SPIDR: variants seen among roughly 807,000 people sequenced by gnomAD.
SPIDR encodes scaffold protein involved in DNA repair.
Under a neutral mutation model 104.6 loss-of-function variants are expected in SPIDR, and 93 were observed. That is an observed-to-expected ratio of 0.89 (90% CI 0.75 to 1.06). The LOEUF (loss-of-function observed/expected upper bound fraction) is 1.06. Among genes scored for constraint, SPIDR ranks in the 50% least tolerant of loss-of-function variants. The pLI is 0.00. For missense variants in SPIDR, 1,154 were observed against 1,111.2 expected (o/e 1.04, Z -0.55); for synonymous variants, 431 against 416.9 (o/e 1.03, Z -0.41).
intron 10 of SPIDR, among the ~76,000 whole-genome samples, chr8:47,643,493 C>T (rs2069583583): frequency 6.7e-6 from 1 of 150,214 alleles, no homozygotes; most frequent in Non-Finnish European, 1.5e-5. Context: ...GGACTTAAGG[C>T]ACATATCACC....
chr8:47,487,329 G>A (rs533594060), intron 8 of SPIDR, among the ~76,000 whole-genome samples: 49 of 152,224 alleles, frequency 3.2e-4, no homozygotes, highest in African/African-American at 1.1e-3. Flanking sequence ...TATGCACCCA[G>A]TACAGGAGCA....
chr8:47,557,105 A>G (rs1215942644), intron 8 of SPIDR, among the ~76,000 whole-genome samples: 5 of 152,152 alleles, frequency 3.3e-5, no homozygotes, highest in Admixed American at 3.3e-4. Context: ...TCTGTTTTAT[A>G]CTAATGCATT....
rs112873575 is a variant in SPIDR at position 47,558,632 on chromosome 8, C to CTTT, written c.1098-37172_1098-37170dup. Among the ~76,000 whole-genome samples, 5 of 149,558 alleles carry CTTT rather than the reference C, an allele frequency of 3.3e-5. No individual in the cohort carries two copies. The East Asian group carries it at 9.8e-4, about 29-fold the overall frequency. ...ACCCTGGATAAGTATCTAGCTTCAC[C>CTTT]TTTTTTTTTGTTTCTTTGTTTTTTT... On this transcript the variant is annotated intron_variant, in intron 8 of 19. Transcript: ENST00000297423.
chr8:47,735,265 C>T (rs754278592), intron 19 of SPIDR, 42 bp from the exon 20 acceptor site: 2 of 1,595,448 alleles, frequency 1.3e-6, no homozygotes, highest in Non-Finnish European at 1.7e-6. Flanking sequence ...ACAGTACGTC[C>T]CAGGCTGTTT....
At chr8:47,436,591 T>TACA (rs2068366557) in intron 7 of SPIDR, among the ~76,000 whole-genome samples, 1 of 152,136 alleles carries the variant, frequency 6.6e-6, no homozygotes, top group Non-Finnish European at 1.5e-5. Flanking sequence ...GATGTTATGG[T>TACA]GGTGCGAGCC....
intron 10 of SPIDR, among the ~76,000 whole-genome samples, chr8:47,621,923 C>T (rs556629326): frequency 6.6e-6 from 1 of 152,246 alleles, no homozygotes; most frequent in African/African-American, 2.4e-5. Flanking sequence ...GGAGATCGTG[C>T]CATTGCACTC....
intron 8 of SPIDR, among the ~76,000 whole-genome samples, chr8:47,484,450 G>A (rs1554729305): frequency 3.3e-5 from 5 of 152,226 alleles, no homozygotes; most frequent in Non-Finnish European, 5.9e-5. Flanking sequence ...GAACCTCATA[G>A]TCCTGTATGC....
chr8:47,537,516 C>G (rs953911393), intron 8 of SPIDR, among the ~76,000 whole-genome samples: 2 of 152,134 alleles, frequency 1.3e-5, no homozygotes, highest in African/African-American at 2.4e-5. Flanking sequence ...AAAGGCAAAA[C>G]TATGGAAATA....
chr8:47,460,955 T>C (rs1361838132), intron 8 of SPIDR, among the ~76,000 whole-genome samples: 5 of 152,186 alleles, frequency 3.3e-5, no homozygotes, highest in African/African-American at 1.2e-4. Context: ...TGGCTGATAA[T>C]TGTTTTGTTT....
At chr8:47,641,153 AG>A (rs2068907345) in intron 10 of SPIDR, among the ~76,000 whole-genome samples, 1 of 151,878 alleles carries the variant, frequency 6.6e-6, no homozygotes, top group Admixed American at 6.6e-5. Flanking sequence ...AAATAAGACT[AG>A]GTAATTTTTA....
At chr8:47,537,591 G>A (rs2154387157) in intron 8 of SPIDR, among the ~76,000 whole-genome samples, 1 of 152,312 alleles carries the variant, frequency 6.6e-6, no homozygotes, top group South Asian at 2.1e-4. Flanking sequence ...GGTATGTTTA[G>A]AGCAGTGAAA....
intron 6 of SPIDR, among the ~76,000 whole-genome samples, chr8:47,402,433 G>C (rs934929653): frequency 2.0e-5 from 3 of 151,950 alleles, no homozygotes; most frequent in African/African-American, 7.3e-5. Flanking sequence ...TTGAAAAGAT[G>C]AACGAAATTG....
At chr8:47,294,965 T>C (rs1563509977) in intron 5 of SPIDR, among the ~76,000 whole-genome samples, 1 of 152,210 alleles carries the variant, frequency 6.6e-6, no homozygotes, top group African/African-American at 2.4e-5. Flanking sequence ...TGCTTAGTGT[T>C]GCGTCATGTC....
chr8:47,416,596 G>C lies in SPIDR; in HGVS notation c.877+8635G>C, dbSNP rs144456614. On this transcript the variant is annotated intron_variant, in intron 7 of 19. Transcript: ENST00000297423. The stretch of plus-strand genomic sequence containing the variant: ...GGGCATGTTTTGTTTCATTAAAAAA[G>C]GCATAAGAATACCAAATATTTCAAT... Among the ~76,000 whole-genome samples the C allele has an allele frequency of 2.6e-3, 398 of 152,092 alleles. 2 individuals carry two copies. The highest frequency in any genetic ancestry group is 8.8e-3 in the African/African-American group (365 of 41,498).
chr8:47,723,039 T>C (rs1283236924), intron 16 of SPIDR, among the ~76,000 whole-genome samples: 1 of 152,160 alleles, frequency 6.6e-6, no homozygotes, highest in Non-Finnish European at 1.5e-5. Flanking sequence ...TTGTTGTTGT[T>C]GTTGTTGTTG....
chr8:47,565,328 G>A (rs1296404327), intron 8 of SPIDR, among the ~76,000 whole-genome samples: 1 of 152,176 alleles, frequency 6.6e-6, no homozygotes, highest in Non-Finnish European at 1.5e-5. Flanking sequence ...GCATTGGGCA[G>A]TAAAGAGAAG....
At chr8:47,505,427 C>T (rs971518202) in intron 8 of SPIDR, among the ~76,000 whole-genome samples, 19 of 152,216 alleles carry the variant, frequency 1.2e-4, no homozygotes. Flanking sequence ...GCATAGGACC[C>T]TCCAAGCCAT....
intron 5 of SPIDR, among the ~76,000 whole-genome samples, chr8:47,359,252 CAA>C (rs11372277): frequency 8.7e-5 from 10 of 114,938 alleles, no homozygotes; most frequent in Non-Finnish European, 8.6e-5. Context: ...GACTCCGTCT[CAA>C]AAAAAAAAAA....
At chr8:47,441,782 T>C (rs1554697343) in intron 8 of SPIDR, among the ~76,000 whole-genome samples, 1 of 152,196 alleles carries the variant, frequency 6.6e-6, no homozygotes, top group East Asian at 1.9e-4. Context: ...TAAAAATTTT[T>C]ACATTTAAAT....
Sources: gnomAD v4.1 joint callset for allele counts (sites outside exome capture counted in the v4.1 genomes callset) on GRCh38, gnomAD v4.1.1 for gene constraint, MANE v1.5 for transcripts, NCBI Gene and HGNC (gene_info 2026-07-23, HGNC 2026-07-21) for gene names.